Variants in ADGRB1 observed in about 807,000 individuals in gnomAD.
ADGRB1 encodes brain-specific angiogenesis inhibitor 1.
Under a neutral mutation model 175.7 loss-of-function variants are expected in ADGRB1, and 36 were observed. That is an observed-to-expected ratio of 0.20 (90% CI 0.16 to 0.27). The LOEUF (loss-of-function observed/expected upper bound fraction) is 0.27, where lower values mean the gene tolerates loss of function less well. Ranked by LOEUF, ADGRB1 falls within the 10% of genes least tolerant of loss-of-function variation. The pLI is 1.00. For missense variants in ADGRB1, 1,731 were observed against 2,255.3 expected (o/e 0.77, Z 4.71); for synonymous variants, 1,054 against 979.4 (o/e 1.08, Z -1.42).
At chr8:142,478,744 G>T (rs547746405) in intron 7 of ADGRB1, among the ~76,000 whole-genome samples, 1 of 147,092 alleles carries the variant, frequency 6.8e-6, no homozygotes, top group Non-Finnish European at 1.5e-5. Context: ...GGGTAGCGGG[G>T]TGCACAGTGG....
At chr8:142,496,682 C>G (rs1381198746) in intron 17 of ADGRB1, among the ~76,000 whole-genome samples, 2 of 152,172 alleles carry the variant, frequency 1.3e-5, no homozygotes, top group East Asian at 3.8e-4. Context: ...AGATCATGCA[C>G]TCTGTCTTTA....
chr8:142,481,806 A>G (rs767031849), intron 11 of ADGRB1, 95 bp downstream of exon 11: 4 of 1,118,336 alleles, frequency 3.6e-6, no homozygotes, highest in Non-Finnish European at 5.0e-6. Context: ...CCCTGGCCAC[A>G]GCCCAGGCCC....
At chr8:142,541,813 A>G in intron 27 of ADGRB1, 128 bp from the exon 28 acceptor site, 1 of 1,006,476 alleles carries the variant, frequency 9.9e-7, no homozygotes, top group South Asian at 1.6e-5. Context: ...ACCCAGCAGG[A>G]CCTGGCCAGG....
chr8:142,452,086 C>T (rs1018219356), intron 1 of ADGRB1, among the ~76,000 whole-genome samples: 1 of 152,198 alleles, frequency 6.6e-6, no homozygotes, highest in African/African-American at 2.4e-5. Flanking sequence ...CGCCCGGTCC[C>T]CGGAGGCGGA....
rs370351498 is a variant in ADGRB1 at position 142,499,644 on chromosome 8, G to A, written c.2675+8829G>A. ...GTCTGTGAGAGGTGGGGTTGGGAGC[G>A]GCTGGGGTGGGTGGGGCTGCTCAGG... On this transcript the variant is annotated intron_variant, in intron 17 of 30. Coordinates refer to ENST00000517894, the MANE Select transcript of ADGRB1 (RefSeq NM_001702.3). Among the ~76,000 whole-genome samples the A allele has an allele frequency of 1.5e-3, 224 of 152,276 alleles. 1 individual carries two copies. The highest frequency in any genetic ancestry group is 4.8e-3 in the African/African-American group (198 of 41,570).
Position 142,490,851 on chromosome 8 carries a change from G to A in ADGRB1, c.2675+36G>A, listed in dbSNP as rs771320838. The A allele has an allele frequency of 2.2e-5, 34 of 1,560,528 alleles. 1 individual carries two copies. In the Middle Eastern group the frequency reaches 5.0e-4, roughly 23 times the overall value. ...TTGGATTTCATGGCCGTGGGGGTCT[G>A]GGGTGGGGTTCGTGGGAGGCTGGCC... On this transcript the variant is annotated intron_variant, in intron 17 of 30. Transcript: ENST00000517894.
chr8:142,530,121 A>G (rs1422016349), intron 24 of ADGRB1, among the ~76,000 whole-genome samples: 1 of 151,970 alleles, frequency 6.6e-6, no homozygotes, highest in African/African-American at 2.4e-5. Flanking sequence ...GTGTGTGTGT[A>G]TAAGTGTGAG....
chr8:142,506,641 C>T (rs1482212761), intron 17 of ADGRB1, among the ~76,000 whole-genome samples: 1 of 152,202 alleles, frequency 6.6e-6, no homozygotes, highest in Non-Finnish European at 1.5e-5. Context: ...GTGCCCCCTG[C>T]AGCAGGAAGG....
At chr8:142,531,465 G>A (rs989035318) in intron 24 of ADGRB1, among the ~76,000 whole-genome samples, 1 of 152,208 alleles carries the variant, frequency 6.6e-6, no homozygotes, top group Non-Finnish European at 1.5e-5. Context: ...TGCACAGGGA[G>A]CAGGGGCAGG....
chr8:142,481,695 C>G lies in ADGRB1; in HGVS notation c.2114C>G (p.Thr705Ser). The G allele has an allele frequency of 6.3e-7, 1 of 1,577,526 alleles. No homozygotes were observed. The highest frequency in any genetic ancestry group is 8.6e-7 in the Non-Finnish European group (1 of 1,157,720). Residue 705 changes from threonine to serine, a missense_variant, in exon 11 of 31, where the codon ACC (threonine) becomes AGC (serine). Physicochemically the swap from Thr to Ser is moderately conservative, Grantham distance 58 (BLOSUM62 1). This residue lies in a region of ADGRB1 where 388 missense variants were observed against 630.9 expected (regional missense o/e 0.61). Coordinates refer to ENST00000517894, the MANE Select transcript of ADGRB1 (RefSeq NM_001702.3). ...TTCCGGAGAGCGTACTACAGCCCCA[C>G]CCCTGGGGACGTACAGGTGGGCTCC... The part of the protein sequence containing the change: ...EIFRRAYYSP[T>S]PGDVQNFVQI...
At position 142,542,488 on chromosome 8, in the gene ADGRB1, G is replaced by A. The variant is rs1397024695; in HGVS notation, c.4254G>A (p.Pro1418=). The A allele has an allele frequency of 5.2e-5, 28 of 539,188 alleles. No individual in the cohort carries two copies. The highest frequency in any genetic ancestry group is 4.5e-4 in the Admixed American group (5 of 11,186). The allele number at this position is 539,188 out of a possible 1,614,324, so 33.4% of individuals were successfully genotyped here. The part of the protein sequence containing the change: ...PAQPPPPPPP[P]PPPPQQPLPP... ...AGCCCCCACCGCCTCCGCCCCCACC[G>A]CCACCACCTCCCCAGCAGCCCCTGC... Residue 1418 remains proline (P), a synonymous_variant, in exon 28 of 31, where the codon CCG becomes CCA. Coordinates refer to ENST00000517894, the MANE Select transcript of ADGRB1 (RefSeq NM_001702.3). This position sits in a 1 kb window ranked among gnomAD's most constrained non-coding sequence, Gnocchi z 6.3.
chr8:142,530,148 C>T (rs936187130), intron 24 of ADGRB1, among the ~76,000 whole-genome samples: 1 of 151,832 alleles, frequency 6.6e-6, no homozygotes, highest in Admixed American at 6.6e-5. Flanking sequence ...TATAATTGGG[C>T]ATGTGCCTGT....
Position 142,543,727 on chromosome 8 carries a change from G to A in ADGRB1, c.4557+19G>A, listed in dbSNP as rs1845423657. On this transcript the variant is annotated intron_variant, in intron 30 of 30. Coordinates refer to ENST00000517894, the MANE Select transcript of ADGRB1 (RefSeq NM_001702.3). The surrounding 1 kb of genome is among the most constrained non-coding windows in gnomAD (Gnocchi z 4.4). ...CAGCAAGGTCTGGAGGGCAGGGAGGGGCGGGGTGGGGAGAGCCCTTAGGTC... is the reference window on the plus strand; with the variant it reads ...CAGCAAGGTCTGGAGGGCAGGGAGGAGCGGGGTGGGGAGAGCCCTTAGGTC... 1.9e-6 allele frequency: 3 copies of A among 1,539,098 alleles called. No homozygotes were observed. Among genetic ancestry groups the A allele is most frequent in the Non-Finnish European group, 2.6e-6 (3 of 1,136,300 alleles).
chr8:142,535,842 TG>T (rs1281811546), intron 25 of ADGRB1, among the ~76,000 whole-genome samples: 1 of 151,986 alleles, frequency 6.6e-6, no homozygotes. Context: ...AGGGAGAGGA[TG>T]GCAGGAAGGC....
chr8:142,498,563 G>A (rs372555431), intron 17 of ADGRB1, among the ~76,000 whole-genome samples: 2 of 151,856 alleles, frequency 1.3e-5, no homozygotes, highest in South Asian at 2.1e-4. Context: ...CACTGGCTGT[G>A]CGCGCCCAGG....
At position 142,455,238 on chromosome 8, in the gene ADGRB1, C is replaced by T. The variant is rs1441623795; in HGVS notation, c.-220+5134C>T. On this transcript the variant is annotated intron_variant, in intron 1 of 30. Transcript: ENST00000517894. This position sits in a 1 kb window ranked among gnomAD's most constrained non-coding sequence, Gnocchi z 4.9. ...CACCAAAGCCAACAAACACCTTCCCCCCATCACTCCCACTCGCCTCAGCAG... is the reference window on the plus strand; with the variant it reads ...CACCAAAGCCAACAAACACCTTCCCTCCATCACTCCCACTCGCCTCAGCAG... Among the ~76,000 whole-genome samples the T allele has an allele frequency of 6.6e-6, 1 of 151,974 alleles. No homozygotes were observed. Among genetic ancestry groups the T allele is most frequent in the African/African-American group, 2.4e-5 (1 of 41,348 alleles).
chr8:142,526,554 A>T lies in ADGRB1; in HGVS notation c.3325A>T (p.Ile1109Phe). The change falls in exon 24 of 31, where the codon ATT (isoleucine) becomes TTT (phenylalanine). Residue 1109 changes from isoleucine (I) to phenylalanine (F), a missense_variant. Transcript: ENST00000517894. ...CTCTGCCCGGCAGGTGAACATGGTC[A>T]TTGGGATCCTGGTGTTCAACAAGCT... ...AAAVVLVNMV[I>F]GILVFNKLVS... is the part of the protein sequence containing the mutation. 1 of 1,489,734 alleles carries T rather than the reference A, an allele frequency of 6.7e-7. No homozygotes were observed. The highest frequency in any genetic ancestry group is 1.1e-5 in the South Asian group (1 of 87,996). The allele number at this position is 1,489,734 out of a possible 1,614,324, so 92.3% of individuals were successfully genotyped here.
intron 12 of ADGRB1, 66 bp downstream of exon 12, chr8:142,484,111 G>A (rs1841533818): frequency 3.4e-6 from 5 of 1,460,608 alleles, no homozygotes; most frequent in African/African-American, 2.9e-5. Context: ...GTGCCTCCCT[G>A]GTCTCCAGTC....
intron 22 of ADGRB1, among the ~76,000 whole-genome samples, chr8:142,523,174 G>A (rs1298522681): frequency 6.6e-6 from 1 of 152,252 alleles, no homozygotes; most frequent in African/African-American, 2.4e-5. Context: ...AGACCCTGAA[G>A]GGTCAGCTGG....
Sources: allele counts gnomAD v4.1 joint callset (sites outside exome capture counted in the v4.1 genomes callset), GRCh38; gene constraint gnomAD v4.1.1; regional missense constraint gnomAD v4.1.1; non-coding constraint Gnocchi (gnomAD v3.1); transcripts MANE v1.5; gene names NCBI Gene and HGNC (gene_info 2026-07-23, HGNC 2026-07-21).